Variants in YTHDC2 observed in about 807,000 individuals in gnomAD.
The protein encoded by YTHDC2 is 3'-5' RNA helicase YTHDC2.
A neutral mutation model predicts 174.9 loss-of-function variants in YTHDC2; 45 were observed. The observed-to-expected ratio is 0.26, with a 90% CI of 0.20 to 0.33. The LOEUF (loss-of-function observed/expected upper bound fraction) is 0.33, where lower values mean the gene tolerates loss of function less well. YTHDC2 is among the 10% of genes least tolerant of loss of function. The pLI is 1.00. For missense variants in YTHDC2, 1,650 were observed against 1,723.7 expected, an observed-to-expected ratio of 0.96 and a Z score of 0.76; for synonymous variants, 657 against 574.5, an observed-to-expected ratio of 1.14 and a Z score of -2.05.
intron 23 of YTHDC2, among the ~76,000 whole-genome samples, chr5:113,568,356 T>C (rs969093848): frequency 6.6e-6 from 1 of 152,174 alleles, no homozygotes; most frequent in Non-Finnish European, 1.5e-5. Flanking sequence ...GCATAATGCA[T>C]TTTTTTCCTT....
chr5:113,564,995 G>A (rs1026251555), intron 20 of YTHDC2, among the ~76,000 whole-genome samples: 6 of 151,920 alleles, frequency 3.9e-5, no homozygotes, highest in Non-Finnish European at 7.4e-5. Flanking sequence ...TGTGTTTTTA[G>A]TAGAGACAGG....
At chr5:113,533,676 A>G (rs960633828) in intron 5 of YTHDC2, among the ~76,000 whole-genome samples, 1 of 152,226 alleles carries the variant, frequency 6.6e-6, no homozygotes, top group Non-Finnish European at 1.5e-5. Context: ...TGTGAAGTTT[A>G]TAGTGAACAC....
Position 113,535,738 on chromosome 5 carries a change from A to C in YTHDC2, c.1042A>C (p.Ser348Arg). 1 of 1,613,746 alleles carries C rather than the reference A, an allele frequency of 6.2e-7. No individual in the cohort carries two copies. The highest frequency in any genetic ancestry group is 8.5e-7 in the Non-Finnish European group (1 of 1,179,814). The change falls in exon 7 of 30, where the codon AGT (serine) becomes CGT (arginine). Residue 348 changes from serine (S) to arginine (R), a missense_variant. By Grantham distance (110) the Ser-to-Arg change is moderately radical. Coordinates refer to ENST00000161863, the MANE Select transcript of YTHDC2 (RefSeq NM_022828.5). ...CCCAACTTTGAAACTAATTCTTTCT[A>C]GTGCTGCCTTGGATGTAAATCTCTT... ...KHPTLKLILSSAALDVNLFIR... is the reference protein window; with the variant it reads ...KHPTLKLILSRAALDVNLFIR...
intron 18 of YTHDC2, among the ~76,000 whole-genome samples, chr5:113,561,473 A>ATATATATATATT (rs56886888): frequency 7.2e-6 from 1 of 138,482 alleles, no homozygotes; most frequent in African/African-American, 2.7e-5. Flanking sequence ...ATCTATCTAT[A>ATATATATATATT]TTTTTTTTTT....
intron 16 of YTHDC2, 39 bp from the exon 17 acceptor site, chr5:113,556,013 C>A: frequency 7.6e-7 from 1 of 1,307,836 alleles, no homozygotes; most frequent in Non-Finnish European, 1.1e-6. Context: ...TTTTAAATAC[C>A]TTTTATATTC....
intron 23 of YTHDC2, among the ~76,000 whole-genome samples, chr5:113,572,233 A>G (rs1314410194): frequency 1.3e-5 from 2 of 152,222 alleles, no homozygotes; most frequent in Non-Finnish European, 2.9e-5. Context: ...TTTACCCAAG[A>G]GTCATTCAGG....
Position 113,567,771 on chromosome 5 carries a change from A to G in YTHDC2, c.3166A>G (p.Thr1056Ala). 1.2e-6 allele frequency: 2 copies of G among 1,609,334 alleles called. No homozygotes were observed. Among genetic ancestry groups the G allele is most frequent in the Non-Finnish European group, 1.7e-6 (2 of 1,177,680 alleles). The part of the protein sequence containing the change: ...IANIRCCSAV[T>A]PVTILVFCGP... ...TAATATTAGATGTTGTTCAGCAGTG[A>G]CGCCTGTCACTATATTGGTATTCTG... Residue 1056 changes from threonine to alanine, a missense_variant, in exon 23 of 30, where the codon ACG becomes GCG. Coordinates refer to ENST00000161863, the MANE Select transcript of YTHDC2 (RefSeq NM_022828.5).
intron 16 of YTHDC2, among the ~76,000 whole-genome samples, chr5:113,555,554 G>A (rs1293528364): frequency 1.3e-5 from 2 of 152,148 alleles, no homozygotes; most frequent in East Asian, 3.8e-4. Context: ...TAGTAGCTCA[G>A]CAGGAAGTAA....
At chr5:113,591,336 C>G (rs1778994258) in intron 27 of YTHDC2, 92 bp downstream of exon 27, 4 of 1,295,220 alleles carry the variant, frequency 3.1e-6, no homozygotes, top group East Asian at 2.3e-5. Context: ...TTCATTGCAT[C>G]AGAATGCAAG....
chr5:113,564,230 T>G (rs1264113583), intron 20 of YTHDC2, 99 bp downstream of exon 20: 2 of 1,315,844 alleles, frequency 1.5e-6, no homozygotes, highest in African/African-American at 3.0e-5. Context: ...ATTTTAAAAT[T>G]GCATTAATTT....
intron 9 of YTHDC2, 29 bp from the exon 10 acceptor site, chr5:113,542,339 T>C: frequency 6.2e-7 from 1 of 1,601,768 alleles, no homozygotes; most frequent in South Asian, 1.1e-5. Context: ...TAATTTATGA[T>C]AATTTATGAT....
In YTHDC2 at chr5:113,548,019, G is replaced by A. The variant is rs143481946; in HGVS notation, c.1496-522G>A. ...TTTATGGGAAATAAACTTTCTGTCA[G>A]TGTTAATCCCATTAAGTGTCTTATC... is the stretch of plus-strand genomic sequence containing the variant. On this transcript the variant is annotated intron_variant, in intron 10 of 29. Coordinates refer to ENST00000161863, the MANE Select transcript of YTHDC2 (RefSeq NM_022828.5). 8.6e-4 allele frequency among the ~76,000 whole-genome samples: 131 copies of A among 152,250 alleles called. 1 individual carries two copies. The highest frequency in any genetic ancestry group is 3.4e-3 in the Middle Eastern group (1 of 294).
intron 21 of YTHDC2, among the ~76,000 whole-genome samples, chr5:113,566,538 G>A (rs1777341461): frequency 6.7e-6 from 1 of 148,464 alleles, no homozygotes; most frequent in South Asian, 2.1e-4. Context: ...TGATGTGGTA[G>A]TCAGAAGAAT....
At chr5:113,570,927 A>G (rs778367668) in intron 23 of YTHDC2, among the ~76,000 whole-genome samples, 2 of 152,204 alleles carry the variant, frequency 1.3e-5, no homozygotes, top group Non-Finnish European at 2.9e-5. Context: ...TGCTGGGATT[A>G]TAGGCATGAG....
intron 12 of YTHDC2, among the ~76,000 whole-genome samples, chr5:113,550,091 TAAAAAG>T (rs1473663866): frequency 7.4e-6 from 1 of 135,900 alleles, no homozygotes; most frequent in African/African-American, 2.8e-5. Context: ...AAAAAAGAAG[TAAAAAG>T]AAAAACAAAA....
At chr5:113,526,516 ATTAC>A in intron 3 of YTHDC2, 66 bp from the exon 4 acceptor site, 1 of 1,343,076 alleles carries the variant, frequency 7.4e-7, no homozygotes, top group African/African-American at 1.5e-5. Context: ...GGCAAAAAAA[ATTAC>A]TTATTTTTAA....
intron 26 of YTHDC2, among the ~76,000 whole-genome samples, chr5:113,589,290 A>G (rs1778858382): frequency 6.6e-6 from 1 of 150,602 alleles, no homozygotes; most frequent in Non-Finnish European, 1.5e-5. Flanking sequence ...TTTTGTCTGT[A>G]CGTTCACTGA....
chr5:113,526,404 T>G (rs1774241067), intron 3 of YTHDC2, among the ~76,000 whole-genome samples, 182 bp from the exon 4 acceptor site: 1 of 152,120 alleles, frequency 6.6e-6, no homozygotes, highest in Non-Finnish European at 1.5e-5. Flanking sequence ...AAGAGTACAA[T>G]TGAGATATTG....
chr5:113,549,681 A>G (rs943623308), intron 12 of YTHDC2, among the ~76,000 whole-genome samples: 1 of 152,114 alleles, frequency 6.6e-6, no homozygotes, highest in Non-Finnish European at 1.5e-5. Flanking sequence ...ATCTGATATT[A>G]CAATCTACCC....
Sources: gnomAD v4.1 joint callset for allele counts (sites outside exome capture counted in the v4.1 genomes callset) on GRCh38, gnomAD v4.1.1 for gene constraint, MANE v1.5 for transcripts, NCBI Gene and HGNC (gene_info 2026-07-23, HGNC 2026-07-21) for gene names.